The following GALNT13 variants were observed in gnomAD, a reference collection of about 807,000 sequenced individuals.
GALNT13 encodes polypeptide N-acetylgalactosaminyltransferase 13.
A neutral mutation model predicts 64.2 loss-of-function variants in GALNT13; 28 were observed. The ratio of observed to expected loss-of-function variants is 0.44; its 90% confidence interval spans 0.32 to 0.60. The LOEUF is 0.60. Ranked by LOEUF, GALNT13 falls within the 20% of genes least tolerant of loss-of-function variation. The pLI, the probability that GALNT13 is intolerant of heterozygous loss-of-function variation, is 0.05. For synonymous variants in GALNT13, 214 were observed against 224.6 expected (o/e 0.95, Z 0.42); for missense variants, 577 against 669.8 (o/e 0.86, Z 1.53).
At chr2:153,556,582 G>A in the GALNT13 span, among the ~76,000 whole-genome samples, 1 of 152,042 alleles carries the variant, frequency 6.6e-6, no homozygotes, top group Non-Finnish European at 1.5e-5. Flanking sequence ...GAAATTGTTC[G>A]ACTATCCTAA....
the GALNT13 span, among the ~76,000 whole-genome samples, chr2:153,786,009 G>A: frequency 6.6e-6 from 1 of 151,836 alleles, no homozygotes; most frequent in African/African-American, 2.4e-5. Context: ...TATGCCAGCA[G>A]TGCGGATGCT....
the GALNT13 span, among the ~76,000 whole-genome samples, chr2:153,236,384 A>G: frequency 6.6e-6 from 1 of 152,150 alleles, no homozygotes; most frequent in African/African-American, 2.4e-5. Flanking sequence ...GAGGCCATCT[A>G]GGACTTTCAT....
the GALNT13 span, among the ~76,000 whole-genome samples, chr2:153,819,096 A>T: frequency 6.6e-6 from 1 of 152,016 alleles, no homozygotes; most frequent in African/African-American, 2.4e-5. Context: ...CATTTCTCCC[A>T]GGGCCTGAGC....
intron 11 of GALNT13, among the ~76,000 whole-genome samples, chr2:154,409,845 A>C (rs1699716476): frequency 6.6e-6 from 1 of 151,916 alleles, no homozygotes; most frequent in Non-Finnish European, 1.5e-5. Context: ...AGGTTGCAAA[A>C]GTTATCCTGT....
intron 9 of GALNT13, among the ~76,000 whole-genome samples, chr2:154,375,681 A>G (rs1236000096): frequency 2.0e-5 from 3 of 152,038 alleles, no homozygotes; most frequent in Non-Finnish European, 4.4e-5. Flanking sequence ...AGACAACTTG[A>G]CTTTAATAAT....
intron 3 of GALNT13, among the ~76,000 whole-genome samples, chr2:154,010,212 A>G (rs766789127): frequency 2.6e-5 from 4 of 152,006 alleles, no homozygotes; most frequent in Non-Finnish European, 5.9e-5. Flanking sequence ...ATTCAATATG[A>G]TGTTGACTAT....
chr2:154,020,800 C>T (rs1228514140), intron 3 of GALNT13, among the ~76,000 whole-genome samples: 1 of 151,774 alleles, frequency 6.6e-6, no homozygotes, highest in Admixed American at 6.6e-5. Flanking sequence ...AATGGTATTG[C>T]CTAGGTTTTC....
At chr2:153,294,946 T>C in the GALNT13 span, among the ~76,000 whole-genome samples, 1 of 152,156 alleles carries the variant, frequency 6.6e-6, no homozygotes, top group South Asian at 2.1e-4. Flanking sequence ...TCAAAGATCT[T>C]ATTGGACTGT....
chr2:153,551,123 C>T, the GALNT13 span, among the ~76,000 whole-genome samples: 1 of 152,128 alleles, frequency 6.6e-6, no homozygotes, highest in Admixed American at 6.5e-5. Context: ...TGTCCTACAT[C>T]AGGAAAAATT....
At chr2:154,299,004 A>G (rs1227780370) in intron 8 of GALNT13, among the ~76,000 whole-genome samples, 2 of 143,206 alleles carry the variant, frequency 1.4e-5, no homozygotes, top group African/African-American at 5.1e-5. Context: ...ACCGTAACAA[A>G]AATATAAAAT....
chr2:154,212,277 C>A (rs1247411587), intron 4 of GALNT13, among the ~76,000 whole-genome samples: 1 of 151,706 alleles, frequency 6.6e-6, no homozygotes, highest in African/African-American at 2.4e-5. Flanking sequence ...CGGAGTCTTG[C>A]TCTATCGCCC....
At chr2:154,185,661 C>T (rs2105741545) in intron 4 of GALNT13, among the ~76,000 whole-genome samples, 1 of 151,940 alleles carries the variant, frequency 6.6e-6, no homozygotes, top group Admixed American at 6.6e-5. Context: ...TCAGTTCAGA[C>T]ATTATATTTT....
intron 4 of GALNT13, among the ~76,000 whole-genome samples, chr2:154,179,652 A>G (rs1685847484): frequency 6.6e-6 from 1 of 152,036 alleles, no homozygotes; most frequent in Non-Finnish European, 1.5e-5. Flanking sequence ...TTTCATTTGT[A>G]TTATGAAACA....
the GALNT13 span, among the ~76,000 whole-genome samples, chr2:153,513,489 T>G: frequency 6.6e-6 from 1 of 152,252 alleles, no homozygotes; most frequent in Non-Finnish European, 1.5e-5. Flanking sequence ...AAGAAAATAA[T>G]CTGAGCAAAT....
chr2:153,199,640 A>G, the GALNT13 span, among the ~76,000 whole-genome samples: 3 of 152,226 alleles, frequency 2.0e-5, no homozygotes, highest in African/African-American at 4.8e-5. Context: ...AAGTGATCAC[A>G]TTCTAGAAAT....
intron 12 of GALNT13, among the ~76,000 whole-genome samples, chr2:154,439,145 C>T (rs1701152384): frequency 6.6e-6 from 1 of 152,142 alleles, no homozygotes; most frequent in African/African-American, 2.4e-5. Flanking sequence ...GGAACAATAT[C>T]TGACAAGATT....
At chr2:153,196,822 T>C in the GALNT13 span, among the ~76,000 whole-genome samples, 1 of 152,048 alleles carries the variant, frequency 6.6e-6, no homozygotes, top group Non-Finnish European at 1.5e-5. Flanking sequence ...CCATGGAGCA[T>C]GGCACCACCC....
At chr2:154,415,444 A>G (rs1043197240) in intron 11 of GALNT13, among the ~76,000 whole-genome samples, 2 of 152,150 alleles carry the variant, frequency 1.3e-5, no homozygotes, top group Admixed American at 1.3e-4. Context: ...GAAGACAGCT[A>G]GAAAGCACGT....
chr2:153,581,062 A>G, the GALNT13 span, among the ~76,000 whole-genome samples: 433 of 152,258 alleles, frequency 2.8e-3, 9 homozygotes, highest in Admixed American at 0.023. Flanking sequence ...ATTGTGTTAT[A>G]TGTAATTGTA....
Sources: gnomAD v4.1 joint callset for allele counts (sites outside exome capture counted in the v4.1 genomes callset) on GRCh38, gnomAD v4.1.1 for gene constraint, MANE v1.5 for transcripts, NCBI Gene and HGNC (gene_info 2026-07-23, HGNC 2026-07-21) for gene names.